Variants in CD244 observed in about 807,000 individuals in gnomAD.
CD244 encodes CD244 molecule.
Under a neutral mutation model 45.5 loss-of-function variants are expected in CD244, and 20 were observed. The ratio of observed to expected loss-of-function variants is 0.44; its 90% confidence interval spans 0.31 to 0.64. The LOEUF is 0.64. CD244 is among the 30% of genes least tolerant of loss of function. CD244 has a pLI of 0.08. For missense variants in CD244, 407 were observed against 426.9 expected, an observed-to-expected ratio of 0.95 and a Z score of 0.41; for synonymous variants, 185 against 160.5, an observed-to-expected ratio of 1.15 and a Z score of -1.15.
At chr1:160,855,515 C>A (rs1158515818) in intron 1 of CD244, among the ~76,000 whole-genome samples, 1 of 152,164 alleles carries the variant, frequency 6.6e-6, no homozygotes, top group African/African-American at 2.4e-5. Flanking sequence ...GTGACTGATA[C>A]AGAAAGACCT....
chr1:160,839,315 G>A, intron 3 of CD244: 2 of 331,564 alleles, frequency 6.0e-6, no homozygotes, highest in South Asian at 1.1e-4. Context: ...ACCTCTCTGG[G>A]CCTCTCAAGT....
chr1:160,844,168 G>C (rs1411522294), intron 1 of CD244, among the ~76,000 whole-genome samples: 1 of 152,118 alleles, frequency 6.6e-6, no homozygotes, highest in Non-Finnish European at 1.5e-5. Flanking sequence ...ACATCAACCA[G>C]AGCATTAAAT....
At chr1:160,845,575 G>A (rs915233152) in intron 1 of CD244, among the ~76,000 whole-genome samples, 12 of 152,178 alleles carry the variant, frequency 7.9e-5, no homozygotes, top group African/African-American at 2.7e-4. Context: ...AAACCGACAA[G>A]CTGGGCACGG....
intron 1 of CD244, among the ~76,000 whole-genome samples, chr1:160,851,438 C>A (rs561806827): frequency 6.6e-6 from 1 of 152,224 alleles, no homozygotes; most frequent in African/African-American, 2.4e-5. Context: ...ATCACACAAA[C>A]CAACACATAC....
chr1:160,836,380 G>A (rs1452840158), intron 5 of CD244, 126 bp from the exon 6 acceptor site: 28 of 726,792 alleles, frequency 3.9e-5, no homozygotes, highest in Non-Finnish European at 5.6e-5. Context: ...TGGCAGGACT[G>A]GGGAGAGTCA....
intron 1 of CD244, among the ~76,000 whole-genome samples, chr1:160,854,433 T>C (rs1327257654): frequency 6.6e-6 from 1 of 152,094 alleles, no homozygotes; most frequent in Non-Finnish European, 1.5e-5. Context: ...CCCAGACTGG[T>C]GTGCAGTGGC....
At chr1:160,842,061 C>G (rs1224787667) in intron 1 of CD244, among the ~76,000 whole-genome samples, 160 bp from the exon 2 acceptor site, 1 of 152,186 alleles carries the variant, frequency 6.6e-6, no homozygotes, top group Non-Finnish European at 1.5e-5. Context: ...ATCTGCCTCC[C>G]CTTGTCCCCA....
intron 1 of CD244, among the ~76,000 whole-genome samples, chr1:160,857,825 T>C (rs779461029): frequency 1.3e-5 from 2 of 152,104 alleles, no homozygotes; most frequent in Non-Finnish European, 2.9e-5. Context: ...GGCAAGAGGA[T>C]TGCTTGAGCC....
intron 4 of CD244, 147 bp from the exon 5 acceptor site, chr1:160,838,665 A>C (rs1236932131): frequency 1.5e-6 from 1 of 674,764 alleles, no homozygotes; most frequent in Admixed American, 2.5e-5. Flanking sequence ...CAGGAACCCC[A>C]AAGAGCACAG....
intron 1 of CD244, among the ~76,000 whole-genome samples, chr1:160,855,523 C>T (rs4656938): frequency 0.39 from 58,946 of 152,008 alleles, 11,873 homozygotes; most frequent in East Asian, 0.54. Context: ...TACAGAAAGA[C>T]CTCAGTTTCT....
chr1:160,862,843 A>G lies in CD244; in HGVS notation c.-166T>C. On this transcript the variant is annotated 5_prime_UTR_variant, in exon 1 of 9. Coordinates refer to ENST00000368034, the MANE Select transcript of CD244 (RefSeq NM_016382.4). ...TTAGAGGCTGTTAACGCCTGCTGTG[A>G]GCTGACAAGGCCACTGAGAAAGCCC... 1.8e-6 allele frequency: 1 copy of G among 547,704 alleles called. No individual in the cohort carries two copies. Among genetic ancestry groups the G allele is most frequent in the East Asian group, 3.0e-5 (1 of 33,368 alleles). The allele number at this position is 547,704 out of a possible 1,614,324, so 33.9% of individuals were successfully genotyped here.
At chr1:160,832,727 C>A in intron 7 of CD244, 152 bp from the exon 8 acceptor site, 3 of 1,505,768 alleles carry the variant, frequency 2.0e-6, no homozygotes, top group Non-Finnish European at 2.7e-6. Flanking sequence ...ACCCTAGGAG[C>A]AAAACAATGG....
intron 7 of CD244, among the ~76,000 whole-genome samples, chr1:160,833,640 C>T (rs755879628): frequency 6.6e-6 from 1 of 152,180 alleles, no homozygotes; most frequent in Admixed American, 6.5e-5. Context: ...GATTGTGTCT[C>T]TCTAGATCCA....
At chr1:160,839,922 C>T (rs748868594) in intron 3 of CD244, among the ~76,000 whole-genome samples, 1 of 152,154 alleles carries the variant, frequency 6.6e-6, no homozygotes, top group Non-Finnish European at 1.5e-5. Context: ...ATTTGTGTCA[C>T]ACATGTAGCC....
At chr1:160,859,771 A>G (rs1023768991) in intron 1 of CD244, among the ~76,000 whole-genome samples, 6 of 148,908 alleles carry the variant, frequency 4.0e-5, no homozygotes, top group African/African-American at 1.5e-4. Context: ...TTAGCCAGGC[A>G]TGGTGGCACA....
intron 6 of CD244, among the ~76,000 whole-genome samples, chr1:160,834,887 TC>T (rs1421627150): frequency 6.6e-6 from 1 of 152,132 alleles, no homozygotes; most frequent in Non-Finnish European, 1.5e-5. Flanking sequence ...AGGTAAACAT[TC>T]TCCTTTTAAG....
chr1:160,843,526 G>C (rs1669620230), intron 1 of CD244, among the ~76,000 whole-genome samples: 1 of 152,136 alleles, frequency 6.6e-6, no homozygotes, highest in Non-Finnish European at 1.5e-5. Flanking sequence ...TCATGTATAA[G>C]GCATGATTCC....
chr1:160,846,277 C>A (rs1335607664), intron 1 of CD244, among the ~76,000 whole-genome samples: 1 of 152,160 alleles, frequency 6.6e-6, no homozygotes, highest in African/African-American at 2.4e-5. Context: ...TAGCTTAACT[C>A]CCACGTATCA....
Position 160,841,340 on chromosome 1 carries a change from C to T in CD244, c.525G>A (p.Gly175=), listed in dbSNP as rs749059531. The part of the protein sequence containing the change: ...YRGSKLIQTA[G]NLTYLDEEVD... The stretch of plus-strand genomic sequence containing the variant: ...CCTCCTCGTCCAGGTAGGTGAGGTT[C>T]CCTGCTGTCTGGATCAGCTTGCTCC... The change falls in exon 3 of 9, where the codon GGG becomes GGA. Residue 175 remains glycine (G), a synonymous_variant. Coordinates refer to ENST00000368034, the MANE Select transcript of CD244 (RefSeq NM_016382.4). The T allele has an allele frequency of 1.9e-6, 3 of 1,614,194 alleles. No individual in the cohort carries two copies. The highest frequency in any genetic ancestry group is 2.5e-6 in the Non-Finnish European group (3 of 1,180,032).
Sources: gnomAD v4.1 joint callset for allele counts (sites outside exome capture counted in the v4.1 genomes callset) on GRCh38, gnomAD v4.1.1 for gene constraint, MANE v1.5 for transcripts, NCBI Gene and HGNC (gene_info 2026-07-23, HGNC 2026-07-21) for gene names.